NKAIN2: variants seen among roughly 807,000 people sequenced by gnomAD.
NKAIN2 encodes the protein sodium/potassium transporting ATPase interacting 2.
NKAIN2 carries 14 observed loss-of-function variants against 32.6 expected under a neutral mutation model. The ratio of observed to expected loss-of-function variants is 0.43; its 90% CI spans 0.28 to 0.67. The LOEUF (loss-of-function observed/expected upper bound fraction) is 0.67, where lower values mean the gene tolerates loss of function less well. Ranked by LOEUF, NKAIN2 falls within the 30% of genes least tolerant of loss-of-function variation. The pLI is 0.17. For synonymous variants in NKAIN2, 80 were observed against 87.2 expected, an observed-to-expected ratio of 0.92 and a Z score of 0.46; for missense variants, 198 against 258.3, an observed-to-expected ratio of 0.77 and a Z score of 1.60.
chr6:123,807,536 A>G (rs751317306), intron 1 of NKAIN2, among the ~76,000 whole-genome samples: 1 of 152,060 alleles, frequency 6.6e-6, no homozygotes, highest in Non-Finnish European at 1.5e-5. Flanking sequence ...CTTATTTACT[A>G]TTTGTAACTT....
Position 124,115,453 on chromosome 6 carries a change from A to G in NKAIN2, c.55-167552A>G, listed in dbSNP as rs1312418273. 2.0e-5 allele frequency among the ~76,000 whole-genome samples: 3 copies of G among 152,248 alleles called. No homozygotes were observed. The East Asian group carries it at 5.8e-4, about 29-fold the overall frequency. On this transcript the variant is annotated intron_variant, in intron 1 of 6. Transcript: ENST00000368417. ...AGCGAAGTTCAAGCCTTATCACATG[A>G]CTATAGTGTTATCAGACAGACAATT...
chr6:123,823,205 A>C (rs1034299449), intron 1 of NKAIN2: 2 of 152,250 alleles, frequency 1.3e-5, no homozygotes, highest in African/African-American at 2.4e-5. Context: ...TTTACAAAAC[A>C]CTTTTGACAT....
chr6:123,854,732 C>G (rs1396811942), intron 1 of NKAIN2, among the ~76,000 whole-genome samples: 2 of 152,068 alleles, frequency 1.3e-5, no homozygotes, highest in Non-Finnish European at 2.9e-5. Context: ...GCTCAAGGCC[C>G]AAGCAGGAAG....
chr6:124,106,443 G>C (rs1017325490), intron 1 of NKAIN2, among the ~76,000 whole-genome samples: 8 of 152,150 alleles, frequency 5.3e-5, no homozygotes, highest in Non-Finnish European at 1.2e-4. Flanking sequence ...TTGTATCTAT[G>C]ATATCATATT....
intron 1 of NKAIN2, among the ~76,000 whole-genome samples, chr6:123,880,297 G>T (rs1773389412): frequency 6.6e-6 from 1 of 152,180 alleles, no homozygotes; most frequent in African/African-American, 2.4e-5. Context: ...ATATGTCAAG[G>T]TCTAGTGAGC....
intron 3 of NKAIN2, among the ~76,000 whole-genome samples, chr6:124,613,484 AC>A (rs1348656068): frequency 6.6e-6 from 1 of 152,216 alleles, no homozygotes; most frequent in Non-Finnish European, 1.5e-5. Context: ...GTGCTGGATC[AC>A]AGGGAAGAGA....
At chr6:124,353,408 G>A (rs1221065829) in intron 2 of NKAIN2, among the ~76,000 whole-genome samples, 1 of 152,162 alleles carries the variant, frequency 6.6e-6, no homozygotes, top group African/African-American at 2.4e-5. Context: ...TAAAAAAAAT[G>A]ATAGGTGGTA....
At chr6:124,191,208 T>C (rs1387097022) in intron 1 of NKAIN2, among the ~76,000 whole-genome samples, 1 of 152,202 alleles carries the variant, frequency 6.6e-6, no homozygotes, top group East Asian at 1.9e-4. Flanking sequence ...TTGCACAAAA[T>C]ATATAGATCC....
At chr6:124,143,189 C>A (rs1582728555) in intron 1 of NKAIN2, among the ~76,000 whole-genome samples, 1 of 152,286 alleles carries the variant, frequency 6.6e-6, no homozygotes, top group Middle Eastern at 3.4e-3. Context: ...CTGGGAGCAG[C>A]AGCTCATGCC....
At chr6:124,596,682 G>A (rs1782104514) in intron 3 of NKAIN2, among the ~76,000 whole-genome samples, 2 of 151,410 alleles carry the variant, frequency 1.3e-5, no homozygotes, top group South Asian at 4.2e-4. Flanking sequence ...GTGTGTGTGT[G>A]TGTGTGTGTG....
intron 1 of NKAIN2, among the ~76,000 whole-genome samples, chr6:124,015,461 G>C (rs1409886546): frequency 2.0e-5 from 3 of 152,112 alleles, no homozygotes; most frequent in Admixed American, 2.0e-4. Flanking sequence ...TCTTTAGATT[G>C]AGCTCTGGCT....
intron 1 of NKAIN2, among the ~76,000 whole-genome samples, chr6:124,099,083 T>C (rs1199775101): frequency 6.6e-6 from 1 of 152,116 alleles, no homozygotes; most frequent in African/African-American, 2.4e-5. Context: ...GATATAGTCC[T>C]AGTTTAATTA....
chr6:124,518,880 A>G (rs1207817386), intron 3 of NKAIN2, among the ~76,000 whole-genome samples: 1 of 152,202 alleles, frequency 6.6e-6, no homozygotes, highest in East Asian at 1.9e-4. Flanking sequence ...GTAATGACAT[A>G]TACATTTTTG....
chr6:123,811,350 G>A (rs997176649), intron 1 of NKAIN2, among the ~76,000 whole-genome samples: 10 of 147,056 alleles, frequency 6.8e-5, no homozygotes, highest in Non-Finnish European at 1.3e-4. Flanking sequence ...GAACAGAATT[G>A]GATCCTTCAC....
intron 1 of NKAIN2, among the ~76,000 whole-genome samples, chr6:124,203,323 C>T (rs766375057): frequency 1.3e-4 from 19 of 151,656 alleles, no homozygotes; most frequent in Non-Finnish European, 2.1e-4. Flanking sequence ...TACATATTGC[C>T]TAATGGAATG....
intron 3 of NKAIN2, among the ~76,000 whole-genome samples, chr6:124,444,301 A>G (rs553523206): frequency 2.6e-5 from 4 of 152,180 alleles, no homozygotes; most frequent in African/African-American, 9.6e-5. Context: ...AAAAATGTTT[A>G]TTAGTATCTG....
At chr6:124,626,072 T>A (rs1031077250) in intron 3 of NKAIN2, among the ~76,000 whole-genome samples, 3 of 146,668 alleles carry the variant, frequency 2.0e-5, no homozygotes, top group Non-Finnish European at 3.0e-5. Context: ...TAGGTATATC[T>A]CCTAATGCTA....
intron 3 of NKAIN2, among the ~76,000 whole-genome samples, chr6:124,449,955 G>C (rs900932402): frequency 2.0e-5 from 3 of 152,046 alleles, no homozygotes; most frequent in Non-Finnish European, 4.4e-5. Flanking sequence ...GTCCAGGACA[G>C]CCAAAGAATG....
intron 1 of NKAIN2, among the ~76,000 whole-genome samples, chr6:123,963,417 T>C (rs1475413430): frequency 6.6e-6 from 1 of 151,720 alleles, no homozygotes; most frequent in African/African-American, 2.4e-5. Context: ...TACAGGGAAG[T>C]GTTGAGAGAA....
Sources: gnomAD v4.1 joint callset for allele counts (sites outside exome capture counted in the v4.1 genomes callset) on GRCh38, gnomAD v4.1.1 for gene constraint, MANE v1.5 for transcripts, NCBI Gene and HGNC (gene_info 2026-07-23, HGNC 2026-07-21) for gene names.